ABLIM1: variants seen among roughly 807,000 people sequenced by gnomAD.
ABLIM1 encodes actin-binding LIM protein 1.
Under a neutral mutation model 107.0 loss-of-function variants are expected in ABLIM1, and 40 were observed. The observed-to-expected ratio is 0.37, with a 90% confidence interval of 0.29 to 0.49. The LOEUF (loss-of-function observed/expected upper bound fraction) is 0.49. Among genes scored for constraint, ABLIM1 ranks in the 20% least tolerant of loss-of-function variants. The pLI, the probability that ABLIM1 is intolerant of heterozygous loss-of-function variation, is 0.97. For missense variants in ABLIM1, 857 were observed against 1,008.5 expected (o/e 0.85, Z 2.04); for synonymous variants, 357 against 357.3 (o/e 1.00, Z 0.01).
At chr10:114,465,575 T>C (rs1426153637) in intron 12 of ABLIM1, 123 bp downstream of exon 12, 10 of 1,266,218 alleles carry the variant, frequency 7.9e-6, no homozygotes, top group Non-Finnish European at 1.1e-5. Context: ...GTTTTCATTT[T>C]GCTCTGGGAG....
chr10:114,541,354 G>A (rs2066634738), intron 6 of ABLIM1, among the ~76,000 whole-genome samples: 1 of 151,778 alleles, frequency 6.6e-6, no homozygotes, highest in Non-Finnish European at 1.5e-5. Flanking sequence ...ATTTGTAAAG[G>A]GATAAAATAA....
intron 16 of ABLIM1, among the ~76,000 whole-genome samples, chr10:114,444,666 T>A (rs533488694): frequency 2.0e-5 from 3 of 152,172 alleles, no homozygotes; most frequent in Non-Finnish European, 4.4e-5. Context: ...AAAACTGAGA[T>A]CATACTATAA....
intron 1 of ABLIM1, among the ~76,000 whole-genome samples, chr10:114,651,854 C>A (rs1269185187): frequency 1.3e-5 from 2 of 152,138 alleles, no homozygotes. Flanking sequence ...GAACCATATC[C>A]CATCAACAAA....
intron 1 of ABLIM1, chr10:114,613,613 C>T (rs749768933): frequency 8.2e-7 from 1 of 1,220,848 alleles, no homozygotes; most frequent in African/African-American, 1.6e-5. Context: ...TGAAAAGGCA[C>T]TCTTGCTCTT....
At chr10:114,753,323 C>T (rs560874764) in intron 1 of ABLIM1, among the ~76,000 whole-genome samples, 2 of 152,120 alleles carry the variant, frequency 1.3e-5, no homozygotes, top group African/African-American at 4.8e-5. Context: ...GCTCTCTTTC[C>T]GTTATTTCTG....
the ABLIM1 span, among the ~76,000 whole-genome samples, chr10:114,783,483 C>T: frequency 6.6e-6 from 1 of 151,930 alleles, no homozygotes; most frequent in Non-Finnish European, 1.5e-5. Context: ...AAAATTGATC[C>T]ACATAGTGGT....
At position 114,436,064 on chromosome 10, in the gene ABLIM1, G is replaced by A. The variant is rs934578255; in HGVS notation, c.*196C>T. The A allele has an allele frequency of 5.3e-6, 3 of 566,270 alleles. No individual in the cohort carries two copies. Among genetic ancestry groups the A allele is most frequent in the Non-Finnish European group, 6.3e-6 (2 of 316,660 alleles). 35.1% of individuals were successfully genotyped at this position (566,270 alleles called of 1,614,324 possible). On this transcript the variant is annotated 3_prime_UTR_variant, in exon 23 of 23. Transcript: ENST00000533213. Reference sequence around the variant, plus strand: ...TGTTTCGGAACATAGAAATTTCTACGCCATGCTTCTTGGCAAGTGTTACTG... The same window carrying A: ...TGTTTCGGAACATAGAAATTTCTACACCATGCTTCTTGGCAAGTGTTACTG...
intron 4 of ABLIM1, among the ~76,000 whole-genome samples, chr10:114,553,552 C>G (rs932803118): frequency 6.6e-6 from 1 of 152,178 alleles, no homozygotes; most frequent in Non-Finnish European, 1.5e-5. Context: ...GAGTCAGCAG[C>G]GAGCTCTTCA....
chr10:114,471,180 T>C (rs971180641), intron 10 of ABLIM1, among the ~76,000 whole-genome samples: 3 of 152,310 alleles, frequency 2.0e-5, no homozygotes, highest in African/African-American at 7.2e-5. Flanking sequence ...CGGACATGAG[T>C]CACCATGTCT....
At chr10:114,637,538 A>C (rs964049328) in intron 1 of ABLIM1, among the ~76,000 whole-genome samples, 2 of 152,192 alleles carry the variant, frequency 1.3e-5, no homozygotes, top group African/African-American at 4.8e-5. Flanking sequence ...TTAAAGTAGA[A>C]CTATTTTATG....
chr10:114,527,349 T>A (rs753333879), intron 6 of ABLIM1, among the ~76,000 whole-genome samples: 2 of 152,232 alleles, frequency 1.3e-5, no homozygotes, highest in Non-Finnish European at 2.9e-5. Flanking sequence ...GAGACAAATA[T>A]GATTGGAAAA....
At chr10:114,453,559 A>G (rs548962515) in intron 12 of ABLIM1, 76 bp from the exon 13 acceptor site, 2 of 1,283,436 alleles carry the variant, frequency 1.6e-6, no homozygotes, top group African/African-American at 3.0e-5. Flanking sequence ...AGTGTAATAA[A>G]AATTCAAAAC....
chr10:114,585,290 A>C (rs1460161829), intron 2 of ABLIM1, among the ~76,000 whole-genome samples: 22 of 152,140 alleles, frequency 1.4e-4, no homozygotes. Flanking sequence ...ACGACCATAC[A>C]TACATGGATG....
At chr10:114,558,539 A>C (rs2069123337) in intron 4 of ABLIM1, among the ~76,000 whole-genome samples, 1 of 152,112 alleles carries the variant, frequency 6.6e-6, no homozygotes, top group South Asian at 2.1e-4. Flanking sequence ...ATGAGGGCTG[A>C]ATTTCTCAGG....
At chr10:114,473,645 C>T (rs1032915144) in intron 9 of ABLIM1, among the ~76,000 whole-genome samples, 1 of 151,878 alleles carries the variant, frequency 6.6e-6, no homozygotes, top group African/African-American at 2.4e-5. Flanking sequence ...TTAAGTCCCG[C>T]AACATATTAC....
chr10:114,694,509 A>G (rs1274899181), intron 1 of ABLIM1, among the ~76,000 whole-genome samples: 2 of 152,192 alleles, frequency 1.3e-5, no homozygotes, highest in Admixed American at 1.3e-4. Context: ...GTCCTGGTTT[A>G]CCACTCACTA....
intron 4 of ABLIM1, among the ~76,000 whole-genome samples, chr10:114,559,438 C>CAAAAAAAAAAAAAAAAA (rs72456292): frequency 1.2e-4 from 6 of 49,358 alleles, no homozygotes; most frequent in Admixed American, 4.8e-4. Context: ...ACTCGTCTCT[C>CAAAAAAAAAAAAAAAAA]AAAAAAAAAA....
intron 1 of ABLIM1, chr10:114,684,237 A>G (rs1166059670): frequency 6.4e-7 from 1 of 1,557,696 alleles, no homozygotes; most frequent in Non-Finnish European, 8.7e-7. Context: ...CTTTAAAGAC[A>G]CGGTCGACCC....
At chr10:114,679,475 A>C (rs2080642840) in intron 1 of ABLIM1, among the ~76,000 whole-genome samples, 1 of 151,960 alleles carries the variant, frequency 6.6e-6, no homozygotes, top group African/African-American at 2.4e-5. Context: ...TCTCTACTAA[A>C]AATTACAAAA....
Sources: allele counts gnomAD v4.1 joint callset (sites outside exome capture counted in the v4.1 genomes callset), GRCh38; gene constraint gnomAD v4.1.1; transcripts MANE v1.5; gene names NCBI Gene and HGNC (gene_info 2026-07-23, HGNC 2026-07-21).